EPB41L2: variants seen among roughly 807,000 people sequenced by gnomAD.
EPB41L2 encodes erythrocyte membrane protein band 4.1 like 2, also known as band 4.1-like protein 2.
Under a neutral mutation model 113.0 loss-of-function variants are expected in EPB41L2, and 43 were observed. That is an observed-to-expected ratio of 0.38 (90% CI 0.30 to 0.49). The LOEUF is 0.49. EPB41L2 is among the 20% of genes least tolerant of loss of function. The pLI is 0.95. For synonymous variants in EPB41L2, 442 were observed against 436.7 expected, an observed-to-expected ratio of 1.01 and a Z score of -0.15; for missense variants, 1,147 against 1,223.4, an observed-to-expected ratio of 0.94 and a Z score of 0.93.
chr6:130,866,301 G>A (rs548272113), intron 16 of EPB41L2, among the ~76,000 whole-genome samples: 3 of 152,350 alleles, frequency 2.0e-5, no homozygotes, highest in Admixed American at 1.3e-4. Context: ...AGATTCTAGA[G>A]TTTCCAAGGG....
At chr6:130,927,077 A>G (rs1240770957) in intron 3 of EPB41L2, among the ~76,000 whole-genome samples, 1 of 152,252 alleles carries the variant, frequency 6.6e-6, no homozygotes. Flanking sequence ...ACTACTCCCC[A>G]GGAAAATCAT....
At chr6:131,032,862 T>C (rs1442854875) in intron 1 of EPB41L2, among the ~76,000 whole-genome samples, 1 of 152,148 alleles carries the variant, frequency 6.6e-6, no homozygotes, top group Non-Finnish European at 1.5e-5. Context: ...AAAAAAAATT[T>C]AAGGCTGGGC....
At chr6:131,017,878 A>G (rs1221308258) in intron 1 of EPB41L2, among the ~76,000 whole-genome samples, 5 of 152,180 alleles carry the variant, frequency 3.3e-5, no homozygotes. Context: ...TTGCCTAACT[A>G]CTAGTGAGAC....
chr6:130,926,548 T>TTAA, intron 4 of EPB41L2, 57 bp downstream of exon 4: 1 of 1,250,392 alleles, frequency 8.0e-7, no homozygotes, highest in Middle Eastern at 2.3e-4. Flanking sequence ...GATAAACTGG[T>TTAA]TAATAAAAAA....
At chr6:131,030,698 A>G (rs1186779531) in intron 1 of EPB41L2, among the ~76,000 whole-genome samples, 1 of 152,218 alleles carries the variant, frequency 6.6e-6, no homozygotes, top group Non-Finnish European at 1.5e-5. Context: ...GTCAAACATA[A>G]TTACATGTAT....
At chr6:130,906,241 A>G (rs1797684509) in intron 5 of EPB41L2, among the ~76,000 whole-genome samples, 1 of 152,160 alleles carries the variant, frequency 6.6e-6, no homozygotes. Context: ...GGACTCGGAG[A>G]CATTTCTACT....
intron 19 of EPB41L2, among the ~76,000 whole-genome samples, chr6:130,843,523 C>T (rs566206876): frequency 6.6e-6 from 1 of 152,184 alleles, no homozygotes; most frequent in Non-Finnish European, 1.5e-5. Context: ...ATTAATTCAA[C>T]CTGCTTTCAC....
intron 1 of EPB41L2, among the ~76,000 whole-genome samples, chr6:130,968,510 T>C (rs543693177): frequency 6.6e-6 from 1 of 152,334 alleles, no homozygotes; most frequent in Admixed American, 6.5e-5. Context: ...ATACATAGCA[T>C]ATATTCTAAA....
At chr6:130,962,485 T>C (rs745758474) in intron 1 of EPB41L2, among the ~76,000 whole-genome samples, 4 of 152,202 alleles carry the variant, frequency 2.6e-5, no homozygotes, top group Admixed American at 6.5e-5. Context: ...AAGGGACTAT[T>C]TGTTAGTTCA....
chr6:130,946,478 T>C (rs1812849225), intron 3 of EPB41L2, among the ~76,000 whole-genome samples: 1 of 152,110 alleles, frequency 6.6e-6, no homozygotes, highest in Non-Finnish European at 1.5e-5. Context: ...AGAACACAAA[T>C]TTCAAAGATG....
chr6:130,967,168 T>C (rs117511599), intron 1 of EPB41L2, among the ~76,000 whole-genome samples: 165 of 152,254 alleles, frequency 1.1e-3, no homozygotes, highest in Non-Finnish European at 1.9e-3. Context: ...GCTGTCAGCC[T>C]TACCGAACCT....
In EPB41L2 at chr6:130,895,097, T is replaced by C. The variant is rs528595903; in HGVS notation, c.1259A>G (p.Lys420Arg). Reference protein sequence around the residue: ...HAKDSEGVDIKLGVCANGLLI... With the variant: ...HAKDSEGVDIRLGVCANGLLI... ...AAGTCCATTAGCACACACGCCCAGC[T>C]TGATGTCCACACCTTCTGAGTCCTG... Residue 420 changes from lysine (K) to arginine (R), a missense_variant, in exon 9 of 20, where the codon AAG (lysine) becomes AGG (arginine). Transcript: ENST00000337057. 4.5e-5 allele frequency: 73 copies of C among 1,612,034 alleles called. No individual in the cohort carries two copies. The Middle Eastern group carries it at 1.3e-3, about 29-fold the overall frequency.
intron 1 of EPB41L2, among the ~76,000 whole-genome samples, chr6:131,054,427 C>G (rs991717366): frequency 6.6e-6 from 1 of 152,122 alleles, no homozygotes; most frequent in South Asian, 2.1e-4. Flanking sequence ...TTTATCTATC[C>G]CTGTCTGTCC....
intron 1 of EPB41L2, among the ~76,000 whole-genome samples, chr6:130,997,699 C>T (rs1562695296): frequency 6.6e-6 from 1 of 152,050 alleles, no homozygotes; most frequent in Non-Finnish European, 1.5e-5. Flanking sequence ...CTTCTTTAGC[C>T]CTAACAAAGA....
At chr6:131,006,374 A>T (rs186179936) in intron 1 of EPB41L2, among the ~76,000 whole-genome samples, 4 of 150,982 alleles carry the variant, frequency 2.6e-5, no homozygotes, top group Admixed American at 2.0e-4. Flanking sequence ...TTTTAAGTTC[A>T]CTTAAGGCTG....
At chr6:131,005,488 T>C (rs1014931135) in intron 1 of EPB41L2, among the ~76,000 whole-genome samples, 9 of 152,188 alleles carry the variant, frequency 5.9e-5, no homozygotes, top group African/African-American at 1.2e-4. Flanking sequence ...CCCACCACTC[T>C]AGAATGTTTA....
At chr6:130,888,003 A>G (rs1445747364) in intron 11 of EPB41L2, among the ~76,000 whole-genome samples, 1 of 152,212 alleles carries the variant, frequency 6.6e-6, no homozygotes, top group African/African-American at 2.4e-5. Flanking sequence ...TTCACTTGCT[A>G]TGTAATCATA....
chr6:131,043,934 T>C (rs1794919394), intron 1 of EPB41L2, among the ~76,000 whole-genome samples: 1 of 152,068 alleles, frequency 6.6e-6, no homozygotes, highest in African/African-American at 2.4e-5. Flanking sequence ...CTGACAGATG[T>C]TAAAGCTGAA....
chr6:131,020,904 C>T (rs1310800085), intron 1 of EPB41L2, among the ~76,000 whole-genome samples: 2 of 152,208 alleles, frequency 1.3e-5, no homozygotes, highest in East Asian at 1.9e-4. Flanking sequence ...ATCCTCCCGC[C>T]TCAGCCTCCC....
Sources: allele counts gnomAD v4.1 joint callset (sites outside exome capture counted in the v4.1 genomes callset), GRCh38; gene constraint gnomAD v4.1.1; transcripts MANE v1.5; gene names NCBI Gene and HGNC (gene_info 2026-07-23, HGNC 2026-07-21).